SDCCAG8: variants seen among roughly 807,000 people sequenced by gnomAD.
The protein encoded by SDCCAG8 is SHH signaling and ciliogenesis regulator SDCCAG8, also known as serologically defined colon cancer antigen 8.
SDCCAG8 carries 74 observed loss-of-function variants against 101.8 expected under a neutral mutation model. That is an observed-to-expected ratio of 0.73 (90% CI 0.60 to 0.88). SDCCAG8 has a LOEUF of 0.88. SDCCAG8 is among the 40% of genes least tolerant of loss of function. SDCCAG8 has a pLI of 0.00. For synonymous variants in SDCCAG8, 281 were observed against 292.9 expected, an observed-to-expected ratio of 0.96 and a Z score of 0.41; for missense variants, 787 against 822.6, an observed-to-expected ratio of 0.96 and a Z score of 0.53.
At chr1:243,346,504 T>C (rs956377076) in intron 12 of SDCCAG8, among the ~76,000 whole-genome samples, 3 of 152,198 alleles carry the variant, frequency 2.0e-5, no homozygotes, top group African/African-American at 7.2e-5. Flanking sequence ...TGGGAAACTG[T>C]GAGATTGGAA....
At chr1:243,302,557 G>T (rs1050657018) in intron 6 of SDCCAG8, among the ~76,000 whole-genome samples, 1 of 152,126 alleles carries the variant, frequency 6.6e-6, no homozygotes, top group African/African-American at 2.4e-5. Flanking sequence ...CCACAAGAAG[G>T]CCTGGACAAT....
chr1:243,467,589 G>T (rs1660399676), intron 16 of SDCCAG8, among the ~76,000 whole-genome samples: 1 of 152,210 alleles, frequency 6.6e-6, no homozygotes, highest in South Asian at 2.1e-4. Flanking sequence ...ATCAGCATCT[G>T]ATCAGGAACC....
chr1:243,396,133 G>A (rs1245925598), intron 13 of SDCCAG8, among the ~76,000 whole-genome samples: 1 of 152,078 alleles, frequency 6.6e-6, no homozygotes, highest in Non-Finnish European at 1.5e-5. Context: ...TTTTCCTAAA[G>A]AATATGATAT....
At chr1:243,486,677 G>A (rs1319656119) in intron 16 of SDCCAG8, among the ~76,000 whole-genome samples, 1 of 152,236 alleles carries the variant, frequency 6.6e-6, no homozygotes, top group Non-Finnish European at 1.5e-5. Flanking sequence ...GCCCTGGATG[G>A]GCTGCCATCC....
rs572776860 is a variant in SDCCAG8 at position 243,362,531 on chromosome 1, C to T, written c.1474-16190C>T. Among the ~76,000 whole-genome samples, 34 of 152,340 alleles carry T rather than the reference C, an allele frequency of 2.2e-4. No individual in the cohort carries two copies. The South Asian group carries it at 7.0e-3, about 32-fold the overall frequency. On this transcript the variant is annotated intron_variant, in intron 12 of 17. Transcript: ENST00000366541. ...TGTAAAATGAGGATAGATACAATGC[C>T]TACCTTATAGGATTTTGTAAAATTT... is the stretch of plus-strand genomic sequence containing the variant.
At chr1:243,344,457 A>C in intron 12 of SDCCAG8, 126 bp downstream of exon 12, 1 of 802,418 alleles carries the variant, frequency 1.2e-6, no homozygotes, top group Non-Finnish European at 2.1e-6. Context: ...GATCCAGTTT[A>C]CACTGTTAGG....
At chr1:243,493,633 A>T (rs1667108475) in intron 17 of SDCCAG8, among the ~76,000 whole-genome samples, 1 of 152,086 alleles carries the variant, frequency 6.6e-6, no homozygotes, top group African/African-American at 2.4e-5. Flanking sequence ...TTTAGAAAAC[A>T]GAGTCGGAAA....
intron 16 of SDCCAG8, among the ~76,000 whole-genome samples, chr1:243,471,484 T>G (rs1178678803): frequency 6.6e-6 from 1 of 152,148 alleles, no homozygotes; most frequent in African/African-American, 2.4e-5. Context: ...ATCTGGTAAT[T>G]AATAATGCCC....
chr1:243,385,986 A>C (rs745839754), intron 13 of SDCCAG8, among the ~76,000 whole-genome samples: 13 of 152,210 alleles, frequency 8.5e-5, no homozygotes, highest in East Asian at 1.9e-4. Context: ...ACCACCACCA[A>C]CAACAATATA....
At chr1:243,273,534 T>C (rs2068268838) in intron 3 of SDCCAG8, among the ~76,000 whole-genome samples, 1 of 152,190 alleles carries the variant, frequency 6.6e-6, no homozygotes, top group Non-Finnish European at 1.5e-5. Flanking sequence ...TACTTTAGGG[T>C]TCTACTCTTG....
intron 1 of SDCCAG8, among the ~76,000 whole-genome samples, chr1:243,256,760 A>G (rs748885306): frequency 6.6e-6 from 1 of 152,240 alleles, no homozygotes; most frequent in Non-Finnish European, 1.5e-5. Flanking sequence ...CACATGGGGA[A>G]AGCGAAGCTC....
At chr1:243,467,131 G>A (rs776830804) in intron 16 of SDCCAG8, among the ~76,000 whole-genome samples, 7 of 152,208 alleles carry the variant, frequency 4.6e-5, no homozygotes, top group Non-Finnish European at 1.0e-4. Flanking sequence ...ATTGTGCGTA[G>A]ACCCTCCTGG....
chr1:243,480,848 GTGGATGGATGGGTGGA>G (rs1484674005), intron 16 of SDCCAG8, among the ~76,000 whole-genome samples: 3 of 41,198 alleles, frequency 7.3e-5, no homozygotes, highest in African/African-American at 3.4e-4. Flanking sequence ...GATGGGTGGG[GTGGATGGATGGGTGGA>G]TGGATGGATG....
intron 6 of SDCCAG8, among the ~76,000 whole-genome samples, chr1:243,296,003 T>C (rs1271072410): frequency 1.3e-5 from 2 of 152,174 alleles, no homozygotes; most frequent in African/African-American, 2.4e-5. Context: ...TTTTATTTTA[T>C]TTATTTTTTT....
intron 16 of SDCCAG8, among the ~76,000 whole-genome samples, chr1:243,443,726 C>T (rs1358244914): frequency 6.6e-6 from 1 of 152,162 alleles, no homozygotes; most frequent in East Asian, 1.9e-4. Flanking sequence ...ATAAATTTGG[C>T]TTCCGCTTGC....
At position 243,296,734 on chromosome 1, in the gene SDCCAG8, A is replaced by G. The variant is rs546953550; in HGVS notation, c.675+3515A>G. On this transcript the variant is annotated intron_variant, in intron 6 of 17. Coordinates refer to ENST00000366541, the MANE Select transcript of SDCCAG8 (RefSeq NM_006642.5). ...ATTTTTTTTTGTATTTTTAGTAGAG[A>G]CGGGGTTTCACCGTGGTCTCGATCT... 5.7e-3 allele frequency among the ~76,000 whole-genome samples: 852 copies of G among 149,068 alleles called. 3 individuals are homozygous for G. The highest frequency in any genetic ancestry group is 9.6e-3 in the Non-Finnish European group (646 of 67,402).
chr1:243,345,178 T>C (rs1197511398), intron 12 of SDCCAG8, among the ~76,000 whole-genome samples: 1 of 152,218 alleles, frequency 6.6e-6, no homozygotes, highest in Non-Finnish European at 1.5e-5. Flanking sequence ...TTCGAGGTTT[T>C]TCATCATATT....
chr1:243,452,746 T>C (rs1264426479), intron 16 of SDCCAG8, among the ~76,000 whole-genome samples: 1 of 152,200 alleles, frequency 6.6e-6, no homozygotes, highest in Non-Finnish European at 1.5e-5. Context: ...ATTCTTACAC[T>C]GAAATGCATA....
intron 16 of SDCCAG8, among the ~76,000 whole-genome samples, chr1:243,453,378 A>G (rs1219898559): frequency 6.6e-6 from 1 of 152,234 alleles, no homozygotes; most frequent in South Asian, 2.1e-4. Flanking sequence ...AGTACAGACT[A>G]TGGCAGCACT....
Sources: gnomAD v4.1 joint callset for allele counts (sites outside exome capture counted in the v4.1 genomes callset) on GRCh38, gnomAD v4.1.1 for gene constraint, MANE v1.5 for transcripts, NCBI Gene and HGNC (gene_info 2026-07-23, HGNC 2026-07-21) for gene names.